The following BRCA2 variants were observed in gnomAD, a reference collection of about 807,000 sequenced individuals.
The protein encoded by BRCA2 is BRCA2 DNA repair associated, also known as breast cancer type 2 susceptibility protein.
In BRCA2, 203 loss-of-function variants were observed where a neutral mutation model predicts 276.7. The observed-to-expected ratio is 0.73, with a 90% CI of 0.65 to 0.82. The LOEUF (loss-of-function observed/expected upper bound fraction) is 0.82. Among genes scored for constraint, BRCA2 ranks in the 40% least tolerant of loss-of-function variants. BRCA2 has a pLI of 0.00. For missense variants in BRCA2, 3,920 were observed against 3,915.0 expected (o/e 1.00, Z -0.03); for synonymous variants, 1,289 against 1,338.4 (o/e 0.96, Z 0.81).
chr13:32,373,789 A>G (rs2072852547), intron 20 of BRCA2, among the ~76,000 whole-genome samples: 1 of 152,228 alleles, frequency 6.6e-6, no homozygotes, highest in Admixed American at 6.5e-5. Flanking sequence ...TCCACTAGGC[A>G]GTTCCCCACT....
Position 32,337,427 on chromosome 13 carries a change from T to G in BRCA2, c.3072T>G (p.Ile1024Met). The G allele has an allele frequency of 6.2e-7, 1 of 1,613,174 alleles. No individual in the cohort carries two copies. The highest frequency in any genetic ancestry group is 1.1e-5 in the South Asian group (1 of 90,928). The change falls in exon 11 of 27, where the codon ATT (isoleucine) becomes ATG (methionine). Residue 1024 changes from isoleucine (I) to methionine (M), a missense_variant. Ile to Met is a conservative substitution (Grantham distance 10). Coordinates refer to ENST00000380152, the MANE Select transcript of BRCA2 (RefSeq NM_000059.4). ...NKEIKLSEHN[I>M]KKSKMFFKDI... is the part of the protein sequence containing the mutation. Reference sequence around the variant, plus strand: ...AAATCAAGCTCTCTGAACATAACATTAAGAAGAGCAAAATGTTCTTCAAAG... The same window carrying G: ...AAATCAAGCTCTCTGAACATAACATGAAGAAGAGCAAAATGTTCTTCAAAG...
At position 32,355,214 on chromosome 13, in the gene BRCA2, T is replaced by G. The variant is rs755853659; in HGVS notation, c.7361T>G (p.Ile2454Ser). The change falls in exon 14 of 27, where the codon ATT becomes AGT. Residue 2454 changes from isoleucine to serine, a missense_variant. This residue lies in a region of BRCA2 where 3,263 missense variants were observed against 3,156.9 expected (regional missense o/e 1.03). Coordinates refer to ENST00000380152, the MANE Select transcript of BRCA2 (RefSeq NM_000059.4). ...AAAAATAAGATTAATGACAATGAGA[T>G]TCATCAGTTTAACAAAAACAACTCC... The part of the protein sequence containing the change: ...DSKNKINDNE[I>S]HQFNKNNSNQ... 6.2e-7 allele frequency: 1 copy of G among 1,613,190 alleles called. No homozygotes were observed. Among genetic ancestry groups the G allele is most frequent in the Non-Finnish European group, 8.5e-7 (1 of 1,179,264 alleles).
chr13:32,318,960 A>G, intron 2 of BRCA2, 117 bp from the exon 3 acceptor site: 1 of 1,378,628 alleles, frequency 7.3e-7, no homozygotes, highest in African/African-American at 1.5e-5. Context: ...ATGCCTTAAC[A>G]AAAGTAATCC....
At chr13:32,382,145 G>T (rs1174215506) in intron 24 of BRCA2, among the ~76,000 whole-genome samples, 1 of 152,084 alleles carries the variant, frequency 6.6e-6, no homozygotes, top group Non-Finnish European at 1.5e-5. Flanking sequence ...GTAGAGACGG[G>T]GTTTCACCGT....
At chr13:32,341,253 C>T (rs2137531340) in intron 11 of BRCA2, 57 bp downstream of exon 11, 1 of 1,605,640 alleles carries the variant, frequency 6.2e-7, no homozygotes, top group Non-Finnish European at 8.5e-7. Flanking sequence ...AGTGTTTATT[C>T]AGTAGACTTG....
rs1051515396 is a variant in BRCA2 at position 32,399,058 on chromosome 13, T to G, written c.*288T>G. The G allele has an allele frequency of 1.4e-5, 5 of 361,894 alleles. No homozygotes were observed. Among genetic ancestry groups the G allele is most frequent in the African/African-American group, 2.1e-5 (1 of 47,188 alleles). The allele number at this position is 361,894 out of a possible 1,614,324, so 22.4% of individuals were successfully genotyped here. A position where few individuals can be genotyped will look rare whatever the true frequency, so the allele number is the denominator to read the frequency against. Reference sequence around the variant, plus strand: ...GCTCATGCCTGTAATCCCAACACTTTGAGAAGCTGAGGTGGGAGGAGTGCT... The same window carrying G: ...GCTCATGCCTGTAATCCCAACACTTGGAGAAGCTGAGGTGGGAGGAGTGCT... On this transcript the variant is annotated 3_prime_UTR_variant, in exon 27 of 27. Coordinates refer to ENST00000380152, the MANE Select transcript of BRCA2 (RefSeq NM_000059.4).
rs2137506564 is a variant in BRCA2 at position 32,338,814 on chromosome 13, A to T, written c.4459A>T (p.Lys1487Ter). Residue 1487 changes from lysine (K) to a stop codon, truncating the protein, a stop_gained, in exon 11 of 27, where the codon AAA becomes TAA. Transcript: ENST00000380152. LOFTEE classifies it high-confidence loss of function. ...ILSYEETDIVKHKILKESVPV... is the reference protein window; with the variant it reads ...ILSYEETDIV ...AAGTTATGAGGAAACAGACATAGTT[A>T]AACACAAAATACTGAAAGAAAGTGT... 6.2e-7 allele frequency: 1 copy of T among 1,613,768 alleles called. No homozygotes were observed. The highest frequency in any genetic ancestry group is 8.5e-7 in the Non-Finnish European group (1 of 1,179,824).
intron 11 of BRCA2, among the ~76,000 whole-genome samples, chr13:32,341,735 G>A (rs1350189249): frequency 6.6e-6 from 1 of 151,320 alleles, no homozygotes; most frequent in South Asian, 2.1e-4. Context: ...GGGCGTAGTG[G>A]CGGGCGCCTG....
intron 18 of BRCA2, among the ~76,000 whole-genome samples, chr13:32,370,068 A>G (rs1241032596): frequency 6.6e-6 from 1 of 152,118 alleles, no homozygotes; most frequent in Admixed American, 6.5e-5. Flanking sequence ...GCCTTTGTCC[A>G]TGTAGATTTT....
rs1004163884 is a variant in BRCA2 at position 32,346,682 on chromosome 13, T to G, written c.6938-145T>G. 20 of 588,220 alleles carry G rather than the reference T, an allele frequency of 3.4e-5. No individual in the cohort carries two copies. The African/African-American group carries it at 3.6e-4, about 10-fold the overall frequency. The allele number at this position is 588,220 out of a possible 1,614,324, so 36.4% of individuals were successfully genotyped here. ...TATCAATTTGTGAATCAATTTATTT[T>G]CATAGTTAACATTTATTGAGCATCT... On this transcript the variant is annotated intron_variant, in intron 12 of 26. Transcript: ENST00000380152.
chr13:32,337,387 C>G lies in BRCA2; in HGVS notation c.3032C>G (p.Thr1011Arg), dbSNP rs80358548. 2.4e-5 allele frequency: 39 copies of G among 1,613,654 alleles called. No homozygotes were observed. The highest frequency in any genetic ancestry group is 1.5e-4 in the Admixed American group (9 of 59,970). Residue 1011 changes from threonine (T) to arginine (R), a missense_variant, in exon 11 of 27, where the codon ACA (threonine) becomes AGA (arginine). By Grantham distance (71) the Thr-to-Arg change is moderately conservative. Coordinates refer to ENST00000380152, the MANE Select transcript of BRCA2 (RefSeq NM_000059.4). ...SNHSFGGSFRTASNKEIKLSE... is the reference protein window; with the variant it reads ...SNHSFGGSFRRASNKEIKLSE... ...CACAGTTTTGGAGGTAGCTTCAGAA[C>G]AGCTTCAAATAAGGAAATCAAGCTC... is the stretch of plus-strand genomic sequence containing the variant.
rs372951842 is a variant in BRCA2, at chr13:32,339,884, A to C, written c.5529A>C (p.Ala1843=). 237 of 1,611,744 alleles carry C rather than the reference A, an allele frequency of 1.5e-4. 1 individual carries two copies. In the South Asian group the frequency reaches 2.2e-3, roughly 15 times the overall value. ...NSNNFEVGPP[A]FRIASGKIVC... ...ATAATTTTGAGGTAGGGCCACCTGC[A>C]TTTAGGATAGCCAGTGGTAAAATCG... Residue 1843 remains alanine, a synonymous_variant, in exon 11 of 27, where the codon GCA becomes GCC. Transcript: ENST00000380152.
At position 32,338,888 on chromosome 13, in the gene BRCA2, A is replaced by G. The variant is rs1199657071; in HGVS notation, c.4533A>G (p.Glu1511=). 1 of 1,613,976 alleles carries G rather than the reference A, an allele frequency of 6.2e-7. No individual in the cohort carries two copies. The highest frequency in any genetic ancestry group is 1.3e-5 in the African/African-American group (1 of 75,054). The change falls in exon 11 of 27, where the codon GAA becomes GAG. Residue 1511 remains glutamate (E), a synonymous_variant. Coordinates refer to ENST00000380152, the MANE Select transcript of BRCA2 (RefSeq NM_000059.4). ...TAGTGACCTTCCAGGGACAACCCGAACGTGATGAAAAGATCAAAGAACCTA... is the reference window on the plus strand; with the variant it reads ...TAGTGACCTTCCAGGGACAACCCGAGCGTGATGAAAAGATCAAAGAACCTA... ...NQLVTFQGQP[E]RDEKIKEPTL...
chr13:32,337,416 GAACAT>G lies in BRCA2; in HGVS notation c.3067_3071del (p.Asn1023Ter), dbSNP rs80359369. 1 of 1,613,302 alleles carries G rather than the reference GAACAT, an allele frequency of 6.2e-7. No individual in the cohort carries two copies. Among genetic ancestry groups the G allele is most frequent in the Middle Eastern group, 1.7e-4 (1 of 6,044 alleles). On this transcript the variant is annotated frameshift_variant, in exon 11 of 27. Transcript: ENST00000380152. LOFTEE classifies it high-confidence loss of function. ...TTCAAATAAGGAAATCAAGCTCTCT[GAACAT>G]AACATTAAGAAGAGCAAAATGTTCT...
At chr13:32,357,094 A>G (rs1166146299) in intron 15 of BRCA2, among the ~76,000 whole-genome samples, 6 of 152,226 alleles carry the variant, frequency 3.9e-5, no homozygotes, top group African/African-American at 7.2e-5. Context: ...TAAGCACTTC[A>G]CATGCATTAG....
At chr13:32,361,454 A>G (rs564911531) in intron 16 of BRCA2, among the ~76,000 whole-genome samples, 10 of 152,374 alleles carry the variant, frequency 6.6e-5, no homozygotes, top group African/African-American at 2.4e-4. Flanking sequence ...GGAGTTGCCA[A>G]AAAGAAGCAG....
Position 32,338,827 on chromosome 13 carries a change from T to C in BRCA2, c.4472T>C (p.Leu1491Pro), listed in dbSNP as rs1555283798. 1 of 1,613,724 alleles carries C rather than the reference T, an allele frequency of 6.2e-7. No homozygotes were observed. The highest frequency in any genetic ancestry group is 8.5e-7 in the Non-Finnish European group (1 of 1,179,810). The change falls in exon 11 of 27, where the codon CTG becomes CCG. Residue 1491 changes from leucine to proline, a missense_variant. Transcript: ENST00000380152. ...ACAGACATAGTTAAACACAAAATAC[T>C]GAAAGAAAGTGTCCCAGTTGGTACT... The part of the protein sequence containing the change: ...EETDIVKHKI[L>P]KESVPVGTGN...
At position 32,370,538 on chromosome 13, in the gene BRCA2, A is replaced by G. The variant is rs876660101; in HGVS notation, c.8468A>G (p.Gln2823Arg). 3 of 1,613,552 alleles carry G rather than the reference A, an allele frequency of 1.9e-6. No individual in the cohort carries two copies. The highest frequency in any genetic ancestry group is 2.5e-6 in the Non-Finnish European group (3 of 1,179,464). ...GNVGCVDVII[Q>R]RAYPIQWMEK... ...GTTGGTTGTGTTGATGTAATTATTCAAAGAGCATACCCTATACAGGTATGA... is the reference window on the plus strand; with the variant it reads ...GTTGGTTGTGTTGATGTAATTATTCGAAGAGCATACCCTATACAGGTATGA... The change falls in exon 19 of 27, where the codon CAA becomes CGA. Residue 2823 changes from glutamine to arginine, a missense_variant. Coordinates refer to ENST00000380152, the MANE Select transcript of BRCA2 (RefSeq NM_000059.4).
At chr13:32,392,006 G>T (rs1478161921) in intron 24 of BRCA2, among the ~76,000 whole-genome samples, 1 of 152,122 alleles carries the variant, frequency 6.6e-6, no homozygotes, top group Non-Finnish European at 1.5e-5. Context: ...AAGGACATTT[G>T]GGAGAAGGAC....
Sources: gnomAD v4.1 joint callset for allele counts (sites outside exome capture counted in the v4.1 genomes callset) on GRCh38, gnomAD v4.1.1 for gene constraint, gnomAD v4.1.1 regional missense constraint, MANE v1.5 for transcripts, NCBI Gene and HGNC (gene_info 2026-07-23, HGNC 2026-07-21) for gene names.